SLC35A3: variants seen among roughly 807,000 people sequenced by gnomAD.
SLC35A3 encodes UDP-N-acetylglucosamine transporter.
Under a neutral mutation model 39.0 loss-of-function variants are expected in SLC35A3, and 26 were observed. The observed-to-expected ratio is 0.67, with a 90% CI of 0.49 to 0.92. The LOEUF (loss-of-function observed/expected upper bound fraction) is 0.92. SLC35A3 is among the 40% of genes least tolerant of loss of function. The pLI, the probability that SLC35A3 is intolerant of heterozygous loss-of-function variation, is 0.00. For synonymous variants in SLC35A3, 135 were observed against 133.1 expected (o/e 1.01, Z -0.10); for missense variants, 299 against 371.6 (o/e 0.80, Z 1.61).
chr1:100,000,687 A>G (rs1658713490), intron 3 of SLC35A3: 1 of 152,150 alleles, frequency 6.6e-6, no homozygotes, highest in Admixed American at 6.6e-5. Context: ...TGCAGGGGCC[A>G]TGCTAATCTT....
intron 1 of SLC35A3, among the ~76,000 whole-genome samples, chr1:99,975,766 C>T (rs368479587): frequency 6.6e-6 from 1 of 152,062 alleles, no homozygotes; most frequent in Admixed American, 6.6e-5. Context: ...GTCAATTAAA[C>T]TTTACAAACA....
rs1377528436 is a variant in SLC35A3, at chr1:100,030,276, C to A, written c.*7800C>A. ...CAGTTTATCTTAGATATACACTTTC[C>A]TCATTTTAAAGGTAGAACTCACTGC... is the stretch of plus-strand genomic sequence containing the variant. On this transcript the variant is annotated 3_prime_UTR_variant, in exon 8 of 8. Coordinates refer to ENST00000533028, the MANE Select transcript of SLC35A3 (RefSeq NM_012243.3). 6.6e-6 allele frequency: 1 copy of A among 152,110 alleles called. No homozygotes were observed. Among genetic ancestry groups the A allele is most frequent in the African/African-American group, 2.4e-5 (1 of 41,416 alleles). 9.4% of individuals were successfully genotyped at this position (152,110 alleles called of 1,614,324 possible). A position where few individuals can be genotyped will look rare whatever the true frequency, so the allele number is the denominator to read the frequency against.
Position 99,993,753 on chromosome 1 carries a change from G to C in SLC35A3, c.187+12G>C. ...CTACAAAGACAGCAGTAGGTATCTA[G>C]GTTTTTTGTTTTTAATCAATGCAAT... On this transcript the variant is annotated intron_variant, in intron 2 of 7. Coordinates refer to ENST00000533028, the MANE Select transcript of SLC35A3 (RefSeq NM_012243.3). 6.2e-7 allele frequency: 1 copy of C among 1,608,544 alleles called. No individual in the cohort carries two copies.
At position 100,030,472 on chromosome 1, in the gene SLC35A3, A is replaced by G. The variant is rs544731752; in HGVS notation, c.*7996A>G. 6.6e-6 allele frequency: 1 copy of G among 152,308 alleles called. No homozygotes were observed. The highest frequency in any genetic ancestry group is 6.5e-5 in the Admixed American group (1 of 15,304). 9.4% of individuals were successfully genotyped at this position (152,308 alleles called of 1,614,324 possible). A position where few individuals can be genotyped will look rare whatever the true frequency, so the allele number is the denominator to read the frequency against. ...TTGTAAACTTTCTTAAAACAGTATG[A>G]GATTTTTTTGCAATTTTTTAAAGCT... On this transcript the variant is annotated 3_prime_UTR_variant, in exon 8 of 8. Transcript: ENST00000533028.
intron 1 of SLC35A3, among the ~76,000 whole-genome samples, chr1:99,976,603 A>G (rs971443533): frequency 1.3e-5 from 2 of 152,228 alleles, no homozygotes; most frequent in African/African-American, 4.8e-5. Context: ...ACTATGATAC[A>G]TATACACCTG....
rs1411941812 is a variant in SLC35A3 at position 100,035,429 on chromosome 1, T to G, written c.*12953T>G. The G allele has an allele frequency of 1.3e-5, 2 of 152,242 alleles. No homozygotes were observed. The highest frequency in any genetic ancestry group is 2.9e-5 in the Non-Finnish European group (2 of 68,058). 9.4% of individuals were successfully genotyped at this position (152,242 alleles called of 1,614,324 possible). A position where few individuals can be genotyped will look rare whatever the true frequency, so the allele number is the denominator to read the frequency against. On this transcript the variant is annotated 3_prime_UTR_variant, in exon 8 of 8. Coordinates refer to ENST00000533028, the MANE Select transcript of SLC35A3 (RefSeq NM_012243.3). ...TTCTCTCTTGTTTATCATTGCAGCC[T>G]TTCTAGCACAAAGCCTGGGACATTC...
At chr1:99,991,880 A>G (rs1457985193) in intron 1 of SLC35A3, among the ~76,000 whole-genome samples, 3 of 152,034 alleles carry the variant, frequency 2.0e-5, no homozygotes, top group Non-Finnish European at 4.4e-5. Context: ...TCACGAGCAG[A>G]TGGGACTACA....
At chr1:99,994,735 T>C (rs1196302004) in intron 2 of SLC35A3, among the ~76,000 whole-genome samples, 1 of 152,212 alleles carries the variant, frequency 6.6e-6, no homozygotes, top group Non-Finnish European at 1.5e-5. Flanking sequence ...TTGTGAATAA[T>C]GCTGGAAAGA....
chr1:99,992,319 CCTT>C (rs1658138489), intron 1 of SLC35A3, among the ~76,000 whole-genome samples: 2 of 152,038 alleles, frequency 1.3e-5, no homozygotes, highest in African/African-American at 4.8e-5. Context: ...GATGAAATGT[CCTT>C]CTTTGATTCC....
Position 100,011,406 on chromosome 1 carries a change from T to A in SLC35A3, c.507T>A (p.Ala169=). ...DSQLDSKELS[A]GSQFVGLMAV... is the part of the protein sequence containing the mutation. Reference sequence around the variant, plus strand: ...AGCTTGATTCTAAGGAACTTTCAGCTGGTTCTCAATTTGTAGGACTCATGG... The same window carrying A: ...AGCTTGATTCTAAGGAACTTTCAGCAGGTTCTCAATTTGTAGGACTCATGG... The change falls in exon 5 of 8, where the codon GCT becomes GCA. Residue 169 remains alanine, a synonymous_variant. Transcript: ENST00000533028. The A allele has an allele frequency of 6.4e-7, 1 of 1,572,524 alleles. No homozygotes were observed. Among genetic ancestry groups the A allele is most frequent in the Non-Finnish European group, 8.7e-7 (1 of 1,155,622 alleles).
chr1:100,011,759 G>A (rs944480024), intron 5 of SLC35A3, among the ~76,000 whole-genome samples: 11 of 147,458 alleles, frequency 7.5e-5, no homozygotes, highest in African/African-American at 1.8e-4. Flanking sequence ...TCGCTCTCTC[G>A]CCCAGGCTGG....
At chr1:99,971,752 C>A (rs535377991) in intron 1 of SLC35A3, among the ~76,000 whole-genome samples, 1 of 152,120 alleles carries the variant, frequency 6.6e-6, no homozygotes, top group Non-Finnish European at 1.5e-5. Context: ...TTGCTTTTAT[C>A]ATTTCTTCCT....
intron 1 of SLC35A3, among the ~76,000 whole-genome samples, chr1:99,972,027 T>C (rs1306921136): frequency 6.6e-6 from 1 of 152,042 alleles, no homozygotes; most frequent in African/African-American, 2.4e-5. Flanking sequence ...CCTCCTGAAG[T>C]AGCTGGGATT....
At chr1:100,006,390 C>T (rs1440658100) in intron 3 of SLC35A3, among the ~76,000 whole-genome samples, 1 of 152,078 alleles carries the variant, frequency 6.6e-6, no homozygotes. Context: ...TCTTGGGTGG[C>T]ATGTGTGGCA....
At chr1:99,990,705 C>G (rs1658031308) in intron 1 of SLC35A3, among the ~76,000 whole-genome samples, 1 of 152,078 alleles carries the variant, frequency 6.6e-6, no homozygotes, top group African/African-American at 2.4e-5. Flanking sequence ...GTTTAATAGA[C>G]TGAATATTTG....
intron 1 of SLC35A3, among the ~76,000 whole-genome samples, chr1:99,971,020 C>G (rs915277764): frequency 6.6e-6 from 1 of 152,158 alleles, no homozygotes. Flanking sequence ...ATATGCTCGT[C>G]TTTCCTCTTC....
intron 7 of SLC35A3, among the ~76,000 whole-genome samples, chr1:100,022,039 T>C (rs1048648307): frequency 1.3e-5 from 2 of 152,240 alleles, no homozygotes; most frequent in Non-Finnish European, 2.9e-5. Flanking sequence ...GACAGTATAG[T>C]GCAGTCGATG....
intron 4 of SLC35A3, chr1:100,007,962 T>G (rs1175291659): frequency 6.6e-6 from 1 of 151,168 alleles, no homozygotes; most frequent in Non-Finnish European, 1.5e-5. Flanking sequence ...TTAATTTTTT[T>G]TTTTTTTTTG....
Position 100,026,901 on chromosome 1 carries a change from G to A in SLC35A3, c.*4425G>A, listed in dbSNP as rs1423712440. The A allele has an allele frequency of 6.4e-6, 2 of 313,594 alleles. No homozygotes were observed. The highest frequency in any genetic ancestry group is 2.1e-5 in the African/African-American group (1 of 46,572). 19.4% of individuals were successfully genotyped at this position (313,594 alleles called of 1,614,324 possible). On this transcript the variant is annotated 3_prime_UTR_variant, in exon 8 of 8. Transcript: ENST00000533028. ...GCTTTTTAATTGATAAACTTCTCTT[G>A]TCATTTTTTGGTATCCAGCTATTAC...
Sources: allele counts gnomAD v4.1 joint callset (sites outside exome capture counted in the v4.1 genomes callset), GRCh38; gene constraint gnomAD v4.1.1; transcripts MANE v1.5; gene names NCBI Gene and HGNC (gene_info 2026-07-23, HGNC 2026-07-21).